Variants in NELL2 observed in about 807,000 individuals in gnomAD.
NELL2 encodes protein kinase C-binding protein NELL2.
NELL2 carries 41 observed loss-of-function variants against 109.6 expected under a neutral mutation model. That is an observed-to-expected ratio of 0.37 (90% CI 0.29 to 0.49). The LOEUF (loss-of-function observed/expected upper bound fraction) is 0.49, where lower values mean the gene tolerates loss of function less well. NELL2 is among the 20% of genes least tolerant of loss of function. NELL2 has a pLI of 0.98. For synonymous variants in NELL2, 355 were observed against 344.7 expected, an observed-to-expected ratio of 1.03 and a Z score of -0.33; for missense variants, 900 against 1,008.3, an observed-to-expected ratio of 0.89 and a Z score of 1.45.
chr12:44,523,070 A>G (rs1395983486), intron 17 of NELL2: 7 of 565,792 alleles, frequency 1.2e-5, no homozygotes, highest in South Asian at 4.2e-5. Context: ...AATTTAATCA[A>G]TAGGGACTGG....
intron 9 of NELL2, among the ~76,000 whole-genome samples, chr12:44,771,969 G>A (rs930656819): frequency 3.3e-5 from 5 of 152,106 alleles, no homozygotes; most frequent in Admixed American, 3.3e-4. Context: ...CAGCAGTTAG[G>A]TTATACGCTT....
At chr12:44,583,853 A>G (rs918491799) in intron 15 of NELL2, among the ~76,000 whole-genome samples, 1 of 152,028 alleles carries the variant, frequency 6.6e-6, no homozygotes, top group Non-Finnish European at 1.5e-5. Flanking sequence ...GCTCATTGCA[A>G]TCTCTGCCTC....
chr12:44,538,136 CAA>C (rs947647332), intron 15 of NELL2, among the ~76,000 whole-genome samples: 4 of 152,250 alleles, frequency 2.6e-5, no homozygotes, highest in Middle Eastern at 3.4e-3. Flanking sequence ...GTGGTGACAG[CAA>C]AAACAACAGA....
At chr12:44,790,982 G>A (rs1236540749) in intron 3 of NELL2, among the ~76,000 whole-genome samples, 1 of 144,850 alleles carries the variant, frequency 6.9e-6, no homozygotes, top group African/African-American at 2.6e-5. Flanking sequence ...GAACATATAT[G>A]CACCTAACAC....
At chr12:44,770,378 C>T (rs1342287220) in intron 9 of NELL2, among the ~76,000 whole-genome samples, 2 of 152,084 alleles carry the variant, frequency 1.3e-5, no homozygotes, top group Admixed American at 1.3e-4. Context: ...GCAACTGAGT[C>T]CATGAGAGGT....
intron 9 of NELL2, among the ~76,000 whole-genome samples, chr12:44,746,296 C>T (rs35402068): frequency 0.053 from 8,099 of 151,996 alleles, 681 homozygotes; most frequent in African/African-American, 0.18. Flanking sequence ...CAAAAATTAA[C>T]TCAAGATGGA....
upstream of NELL2, among the ~76,000 whole-genome samples, chr12:44,878,988 G>T (rs1945381543): frequency 6.6e-6 from 1 of 152,150 alleles, no homozygotes; most frequent in Non-Finnish European, 1.5e-5. Context: ...CCTTAAAATA[G>T]GAAGATTATT....
Position 44,860,725 on chromosome 12 carries a change from G to A in NELL2, c.184+14500C>T, listed in dbSNP as rs189226077. On this transcript the variant is annotated intron_variant, in intron 2 of 19. Transcript: ENST00000429094. ...CAATAATCTTATTTTTAAGTCAGTC[G>A]ATTAACAACCTTAATTTCATTTGCA... 4.1e-4 allele frequency among the ~76,000 whole-genome samples: 63 copies of A among 152,206 alleles called. 1 individual carries two copies. The highest frequency in any genetic ancestry group is 1.6e-3 in the Admixed American group (24 of 15,292).
intron 1 of NELL2, among the ~76,000 whole-genome samples, chr12:44,920,228 A>G (rs553648822): frequency 1.3e-5 from 2 of 152,334 alleles, no homozygotes; most frequent in Non-Finnish European, 2.9e-5. Flanking sequence ...TAATAAAATA[A>G]TGAAATCACA....
In NELL2 at chr12:44,733,149, G is replaced by T. The variant is rs192995400; in HGVS notation, c.995-18408C>A. Reference sequence around the variant, plus strand: ...AGACTCCACAGAAAACAGCATAGAGGTTCCTCAAAAAATTGAAAATAAAAC... The same window carrying T: ...AGACTCCACAGAAAACAGCATAGAGTTTCCTCAAAAAATTGAAAATAAAAC... On this transcript the variant is annotated intron_variant, in intron 9 of 19. Coordinates refer to ENST00000429094, the MANE Select transcript of NELL2 (RefSeq NM_001145108.2). 4.1e-4 allele frequency among the ~76,000 whole-genome samples: 62 copies of T among 152,036 alleles called. 1 individual carries two copies. Among genetic ancestry groups the T allele is most frequent in the Middle Eastern group, 6.8e-3 (2 of 294 alleles).
At chr12:44,825,034 G>T (rs1943665557) in intron 2 of NELL2, among the ~76,000 whole-genome samples, 1 of 152,118 alleles carries the variant, frequency 6.6e-6, no homozygotes, top group Non-Finnish European at 1.5e-5. Flanking sequence ...CTAAAGTCAG[G>T]TAGTGTGATG....
chr12:44,595,814 C>T (rs1944940428), intron 15 of NELL2, among the ~76,000 whole-genome samples: 1 of 152,058 alleles, frequency 6.6e-6, no homozygotes, highest in South Asian at 2.1e-4. Context: ...TTCTAATTAT[C>T]TTATGACATG....
chr12:44,514,812 T>C (rs1199748719), intron 19 of NELL2, among the ~76,000 whole-genome samples: 1 of 151,394 alleles, frequency 6.6e-6, no homozygotes, highest in Non-Finnish European at 1.5e-5. Flanking sequence ...GTAGGATTTA[T>C]AGTGAACAGA....
chr12:44,870,517 G>A (rs1945131890), intron 2 of NELL2, among the ~76,000 whole-genome samples: 1 of 152,098 alleles, frequency 6.6e-6, no homozygotes, highest in Non-Finnish European at 1.5e-5. Flanking sequence ...CACAGTTCTG[G>A]AGATCAGAAG....
At position 44,898,581 on chromosome 12, in the gene NELL2, G is replaced by A. The variant is rs558507143; in HGVS notation, c.38+15218C>T. Among the ~76,000 whole-genome samples, 247 of 152,094 alleles carry A rather than the reference G, an allele frequency of 1.6e-3. 1 individual carries two copies. The highest frequency in any genetic ancestry group is 4.4e-3 in the African/African-American group (182 of 41,482). On this transcript the variant is annotated intron_variant, in intron 1 of 20. Transcript: ENST00000333837. ...ATCAACATTAACAAAAAGAACGCCC[G>A]TGCAAAAACCCCATCCAAAGGTCAC...
intron 13 of NELL2, among the ~76,000 whole-genome samples, chr12:44,639,389 A>G (rs1946763752): frequency 6.6e-6 from 1 of 152,168 alleles, no homozygotes; most frequent in African/African-American, 2.4e-5. Context: ...AACGACGACC[A>G]TGACACTTCA....
At chr12:44,833,412 T>G (rs1409106232) in intron 2 of NELL2, among the ~76,000 whole-genome samples, 1 of 152,202 alleles carries the variant, frequency 6.6e-6, no homozygotes, top group Non-Finnish European at 1.5e-5. Context: ...AGTGTACTAC[T>G]TTGTGCTGCC....
chr12:44,739,192 C>T (rs1939808611), intron 9 of NELL2, among the ~76,000 whole-genome samples: 1 of 152,144 alleles, frequency 6.6e-6, no homozygotes, highest in Admixed American at 6.6e-5. Flanking sequence ...ATTGCCCTTA[C>T]CATAATTTGC....
At position 44,777,105 on chromosome 12, in the gene NELL2, G is replaced by A. The variant is rs766549813; in HGVS notation, c.699C>T (p.Asp233=). The A allele has an allele frequency of 2.3e-5, 37 of 1,613,892 alleles. No homozygotes were observed. The highest frequency in any genetic ancestry group is 7.7e-5 in the South Asian group (7 of 91,088). The change falls in exon 7 of 20, where the codon GAC becomes GAT. Residue 233 remains aspartate, a synonymous_variant. Transcript: ENST00000429094. ...TGATTTTCTGCACAAGTCCATGGAA[G>A]TCATTGCAAGTTGGACAGGCTGGAA... The part of the protein sequence containing the change: ...DLNRTCPTCN[D]FHGLVQKIME...
Sources: gnomAD v4.1 joint callset for allele counts (sites outside exome capture counted in the v4.1 genomes callset) on GRCh38, gnomAD v4.1.1 for gene constraint, MANE v1.5 for transcripts, NCBI Gene and HGNC (gene_info 2026-07-23, HGNC 2026-07-21) for gene names.